The following HDLBP variants were observed in gnomAD, a reference collection of about 807,000 sequenced individuals.
HDLBP encodes the protein vigilin.
HDLBP carries 30 observed loss-of-function variants against 137.3 expected under a neutral mutation model. The observed-to-expected ratio is 0.22, with a 90% CI of 0.16 to 0.30. The LOEUF (loss-of-function observed/expected upper bound fraction) is 0.30. Ranked by LOEUF, HDLBP falls within the 10% of genes least tolerant of loss-of-function variation. HDLBP has a pLI of 1.00. For synonymous variants in HDLBP, 606 were observed against 596.0 expected, an observed-to-expected ratio of 1.02 and a Z score of -0.24; for missense variants, 1,119 against 1,667.3, an observed-to-expected ratio of 0.67 and a Z score of 5.73.
rs1015431972 is a variant in HDLBP, at chr2:241,272,927, GCCGCCCCGGGCCGCC to G, written c.-102-4401_-102-4387del. 5 of 786,764 alleles carry G rather than the reference GCCGCCCCGGGCCGCC, an allele frequency of 6.4e-6. No homozygotes were observed. The African/African-American group carries it at 9.4e-5, about 15-fold the overall frequency. 48.7% of individuals were successfully genotyped at this position (786,764 alleles called of 1,614,324 possible). The stretch of plus-strand genomic sequence containing the variant: ...CGCCCGCCCCGCCGCTGGGGTCCCC[GCCGCCCCGGGCCGCC>G]CAGCACCCGGGAGGCCCACCCAACT... On this transcript the variant is annotated intron_variant, in intron 1 of 27. Coordinates refer to ENST00000310931, the MANE Select transcript of HDLBP (RefSeq NM_005336.6). This position sits in a 1 kb window ranked among gnomAD's most constrained non-coding sequence, Gnocchi z 5.6.
intron 1 of HDLBP, among the ~76,000 whole-genome samples, chr2:241,307,932 G>A (rs2075634020): frequency 6.7e-6 from 1 of 148,880 alleles, no homozygotes. Context: ...CTGCTCACTT[G>A]GGCCTCTACC....
intron 1 of HDLBP, among the ~76,000 whole-genome samples, chr2:241,289,725 G>A (rs564221208): frequency 7.2e-5 from 11 of 152,210 alleles, no homozygotes; most frequent in Non-Finnish European, 1.5e-4. Context: ...CAGGATGGCA[G>A]AGAAGGAAGA....
intron 1 of HDLBP, among the ~76,000 whole-genome samples, chr2:241,282,734 G>A (rs748686074): frequency 1.3e-5 from 2 of 152,194 alleles, no homozygotes; most frequent in African/African-American, 2.4e-5. Flanking sequence ...CACAAACCAC[G>A]CTCATACAAG....
At chr2:241,253,077 T>G in intron 10 of HDLBP, 42 bp from the exon 11 acceptor site, 1 of 1,465,696 alleles carries the variant, frequency 6.8e-7, no homozygotes, top group Non-Finnish European at 9.6e-7. Flanking sequence ...GCCTGGTTAC[T>G]TGGCCAATGA....
intron 1 of HDLBP, among the ~76,000 whole-genome samples, chr2:241,287,536 T>C (rs932743342): frequency 2.0e-5 from 3 of 150,860 alleles, no homozygotes; most frequent in Non-Finnish European, 4.4e-5. Flanking sequence ...TTCTCCCACC[T>C]CAGCCTCCCA....
In HDLBP at chr2:241,266,896, C is replaced by T. The variant is rs79913511; in HGVS notation, c.-27G>A. The T allele has an allele frequency of 3.6e-3, 5,753 of 1,612,206 alleles. 12 individuals are homozygous for T. The highest frequency in any genetic ancestry group is 4.5e-3 in the Non-Finnish European group (5,265 of 1,178,234). ...GTTGATCTCACACCTACACACAATC[C>T]GGGAAAACCACTAAAGCAAAGAAGA... On this transcript the variant is annotated 5_prime_UTR_variant, in exon 3 of 28. Transcript: ENST00000310931.
At chr2:241,310,372 T>C (rs1012030502) in intron 1 of HDLBP, among the ~76,000 whole-genome samples, 7 of 152,182 alleles carry the variant, frequency 4.6e-5, no homozygotes, top group East Asian at 3.8e-4. Flanking sequence ...ACGGTGAATA[T>C]AGTAAATAAT....
chr2:241,261,020 G>A (rs915238567), intron 5 of HDLBP, among the ~76,000 whole-genome samples: 9 of 142,058 alleles, frequency 6.3e-5, no homozygotes, highest in Non-Finnish European at 6.2e-5. Flanking sequence ...GTGAAAACCC[G>A]CATCTGCCAA....
intron 3 of HDLBP, among the ~76,000 whole-genome samples, chr2:241,265,156 C>T (rs1240901008): frequency 3.9e-5 from 6 of 152,216 alleles, no homozygotes; most frequent in Admixed American, 6.5e-5. Flanking sequence ...TGGTGGCTCA[C>T]ACCTGTAATC....
At chr2:241,278,774 T>C (rs1364199457) in intron 1 of HDLBP, among the ~76,000 whole-genome samples, 1 of 152,218 alleles carries the variant, frequency 6.6e-6, no homozygotes, top group African/African-American at 2.4e-5. Flanking sequence ...GACACACTAT[T>C]AGAACTAATT....
At chr2:241,284,930 A>G (rs1215603068) in intron 1 of HDLBP, among the ~76,000 whole-genome samples, 1 of 152,216 alleles carries the variant, frequency 6.6e-6, no homozygotes, top group Non-Finnish European at 1.5e-5. Flanking sequence ...ACTGGAGTGC[A>G]GTGGCACAGT....
intron 27 of HDLBP, 50 bp from the exon 28 acceptor site, chr2:241,229,737 A>G (rs754373244): frequency 4.3e-6 from 7 of 1,611,442 alleles, no homozygotes; most frequent in South Asian, 1.1e-5. Flanking sequence ...CCCAACTCGC[A>G]AGCAGCTTCC....
rs915658940 is a variant in HDLBP, at chr2:241,242,731, G to T, written c.1951-53C>A. On this transcript the variant is annotated intron_variant, in intron 16 of 27. Coordinates refer to ENST00000310931, the MANE Select transcript of HDLBP (RefSeq NM_005336.6). ...GAAGTCACATTTTTGTGGCAAAAAG[G>T]GCAGAGGAAAAGATAAACTATCATC... 2.1e-6 allele frequency: 3 copies of T among 1,440,124 alleles called. No individual in the cohort carries two copies. The East Asian group carries it at 7.1e-5, about 34-fold the overall frequency. The allele number at this position is 1,440,124 out of a possible 1,614,324, so 89.2% of individuals were successfully genotyped here. A position where few individuals can be genotyped will look rare whatever the true frequency, so the allele number is the denominator to read the frequency against.
intron 1 of HDLBP, chr2:241,273,189 CCACAT>C (rs2074243989): frequency 1.0e-6 from 1 of 985,408 alleles, no homozygotes; most frequent in Non-Finnish European, 1.2e-6. Flanking sequence ...AGGATGCCCA[CCACAT>C]CGTAAACGGA....
At chr2:241,245,947 T>C (rs970617191) in intron 16 of HDLBP, among the ~76,000 whole-genome samples, 2 of 152,194 alleles carry the variant, frequency 1.3e-5, no homozygotes, top group African/African-American at 4.8e-5. Context: ...AAAAGGATAA[T>C]GCAGGACTAT....
rs188945447 is a variant in HDLBP at position 241,283,667 on chromosome 2, G to T, written c.-102-15126C>A. Among the ~76,000 whole-genome samples, 745 of 152,052 alleles carry T rather than the reference G, an allele frequency of 4.9e-3. 5 individuals carry two copies. Among genetic ancestry groups the T allele is most frequent in the African/African-American group, 0.017 (704 of 41,468 alleles). On this transcript the variant is annotated intron_variant, in intron 1 of 27. Transcript: ENST00000310931. The stretch of plus-strand genomic sequence containing the variant: ...TTTTTTGTATTTTTAGTAGAGATGG[G>T]GTTTCACCGTGTTAGCCAGGATGGT...
intron 9 of HDLBP, 35 bp from the exon 10 acceptor site, chr2:241,253,532 G>C: frequency 7.0e-7 from 1 of 1,434,104 alleles, no homozygotes; most frequent in Non-Finnish European, 9.8e-7. Context: ...AGCTAAAACA[G>C]AATGGCACAG....
rs1317462458 is a variant in HDLBP, at chr2:241,235,189, T to A, written c.3076A>T (p.Asn1026Tyr). Residue 1026 changes from asparagine to tyrosine, a missense_variant, in exon 23 of 28, where the codon AAT becomes TAT. Physicochemically the swap from Asn to Tyr is moderately radical, Grantham distance 143. Transcript: ENST00000310931. ...DIIAITGLAA[N>Y]LDRAKAGLLE... ...AGTCCAGCCTTGGCCCGGTCCAAAT[T>A]TGCAGCGAGGCCCGTGATGGCGATG... 6.2e-7 allele frequency: 1 copy of A among 1,614,116 alleles called. No homozygotes were observed.
intron 17 of HDLBP, among the ~76,000 whole-genome samples, chr2:241,241,350 G>C (rs1275864370): frequency 6.6e-6 from 1 of 151,918 alleles, no homozygotes; most frequent in Non-Finnish European, 1.5e-5. Context: ...GGCGGATCAC[G>C]AGGTCAGGAG....
Sources: gnomAD v4.1 joint callset for allele counts (sites outside exome capture counted in the v4.1 genomes callset) on GRCh38, gnomAD v4.1.1 for gene constraint, Gnocchi (gnomAD v3.1) non-coding constraint, MANE v1.5 for transcripts, NCBI Gene and HGNC (gene_info 2026-07-23, HGNC 2026-07-21) for gene names.